The following SLC26A7 variants were observed in gnomAD, a reference collection of about 807,000 sequenced individuals.
SLC26A7 encodes the protein solute carrier family 26 member 7.
A neutral mutation model predicts 82.5 loss-of-function variants in SLC26A7; 59 were observed. The observed-to-expected ratio is 0.72, with a 90% confidence interval of 0.58 to 0.89. SLC26A7 has a LOEUF of 0.89. SLC26A7 is among the 40% of genes least tolerant of loss of function. The pLI is 0.00. For missense variants in SLC26A7, 820 were observed against 793.0 expected, an observed-to-expected ratio of 1.03 and a Z score of -0.41; for synonymous variants, 271 against 274.3, an observed-to-expected ratio of 0.99 and a Z score of 0.12.
chr8:91,351,035 T>C (rs1040170862), intron 9 of SLC26A7, among the ~76,000 whole-genome samples: 10 of 152,252 alleles, frequency 6.6e-5, no homozygotes, highest in African/African-American at 1.9e-4. Flanking sequence ...CTTTGATATC[T>C]CCATAATGAT....
intron 2 of SLC26A7, among the ~76,000 whole-genome samples, chr8:91,232,893 G>A (rs1810328324): frequency 6.6e-6 from 1 of 152,188 alleles, no homozygotes; most frequent in Non-Finnish European, 1.5e-5. Flanking sequence ...TGGGGCTCCT[G>A]TGATTCCAAG....
At chr8:91,382,899 A>G (rs574138569) in intron 15 of SLC26A7, among the ~76,000 whole-genome samples, 1 of 152,300 alleles carries the variant, frequency 6.6e-6, no homozygotes, top group African/African-American at 2.4e-5. Flanking sequence ...AATTACAAGA[A>G]CACTCTTCAT....
At chr8:91,321,207 T>G (rs1387898307) in intron 5 of SLC26A7, among the ~76,000 whole-genome samples, 2 of 151,996 alleles carry the variant, frequency 1.3e-5, no homozygotes, top group African/African-American at 4.8e-5. Context: ...TGCTCTGGGG[T>G]GGCAGGTGTT....
chr8:91,386,868 T>C lies in SLC26A7; in HGVS notation c.1676-2470T>C, dbSNP rs1053470530. Among the ~76,000 whole-genome samples, 3 of 152,158 alleles carry C rather than the reference T, an allele frequency of 2.0e-5. No individual in the cohort carries two copies. The South Asian group carries it at 6.2e-4, about 31-fold the overall frequency. ...CATTACTGACTTTAAAGAAACCATA[T>C]AAATTTTATTTTCTAAAAAAAGTTT... On this transcript the variant is annotated intron_variant, in intron 15 of 18. Coordinates refer to ENST00000276609, the MANE Select transcript of SLC26A7 (RefSeq NM_052832.4).
chr8:91,249,060 A>G (rs139315308), upstream of SLC26A7, among the ~76,000 whole-genome samples: 1 of 152,242 alleles, frequency 6.6e-6, no homozygotes, highest in Non-Finnish European at 1.5e-5. Context: ...CAGTCATCTG[A>G]TAATGTTGAA....
At chr8:91,258,667 G>A (rs937908869) in intron 2 of SLC26A7, among the ~76,000 whole-genome samples, 15 of 151,970 alleles carry the variant, frequency 9.9e-5, no homozygotes, top group Non-Finnish European at 2.1e-4. Context: ...GACCCTAAGA[G>A]TTTGATACTG....
chr8:91,345,282 A>G (rs1192243466), intron 9 of SLC26A7, among the ~76,000 whole-genome samples: 2 of 152,070 alleles, frequency 1.3e-5, no homozygotes, highest in African/African-American at 4.8e-5. Flanking sequence ...TTCTTACCAG[A>G]GTGAATGTAT....
intron 5 of SLC26A7, among the ~76,000 whole-genome samples, chr8:91,321,794 T>C (rs181901570): frequency 1.6e-4 from 24 of 152,208 alleles, no homozygotes; most frequent in Non-Finnish European, 2.9e-4. Flanking sequence ...GTGTTCTTTT[T>C]CAGGTATATA....
chr8:91,307,816 T>A (rs1032952441), intron 4 of SLC26A7, among the ~76,000 whole-genome samples: 6 of 150,786 alleles, frequency 4.0e-5, no homozygotes, highest in Non-Finnish European at 7.4e-5. Context: ...AATAAATAAA[T>A]AAAAAAAATA....
chr8:91,258,964 G>A (rs116402542), intron 2 of SLC26A7, among the ~76,000 whole-genome samples: 3,285 of 152,064 alleles, frequency 0.022, 107 homozygotes, highest in African/African-American at 0.074. Flanking sequence ...TTACCTGCTC[G>A]TTCGCTCTGT....
At chr8:91,320,170 C>T (rs1246046646) in intron 5 of SLC26A7, among the ~76,000 whole-genome samples, 3 of 152,102 alleles carry the variant, frequency 2.0e-5, no homozygotes, top group Non-Finnish European at 4.4e-5. Flanking sequence ...TCAAGCAATT[C>T]TCCTGCCTCA....
intron 15 of SLC26A7, among the ~76,000 whole-genome samples, chr8:91,386,798 T>C (rs938369785): frequency 2.0e-5 from 3 of 152,298 alleles, no homozygotes; most frequent in African/African-American, 7.2e-5. Context: ...ATGGAAGATA[T>C]ATACACAACT....
intron 2 of SLC26A7, among the ~76,000 whole-genome samples, chr8:91,268,900 C>G (rs1015369284): frequency 3.3e-5 from 5 of 150,828 alleles, no homozygotes; most frequent in Non-Finnish European, 1.5e-5. Context: ...ATAGTTATAA[C>G]AGGCTATTTT....
chr8:91,255,923 A>C lies in SLC26A7; in HGVS notation c.193+6079A>C, dbSNP rs868637959. Among the ~76,000 whole-genome samples the C allele has an allele frequency of 8.5e-5, 13 of 152,262 alleles. No homozygotes were observed. The South Asian group carries it at 2.3e-3, about 27-fold the overall frequency. Reference sequence around the variant, plus strand: ...AGTGTCAGGATGAGATACGTGGTCTATCTTCTGTTTTTACCTGCTATGAAC... The same window carrying C: ...AGTGTCAGGATGAGATACGTGGTCTCTCTTCTGTTTTTACCTGCTATGAAC... On this transcript the variant is annotated intron_variant, in intron 2 of 18. Coordinates refer to ENST00000276609, the MANE Select transcript of SLC26A7 (RefSeq NM_052832.4).
In SLC26A7 at chr8:91,332,579, G is replaced by A. The variant is rs893491587; in HGVS notation, c.643-1716G>A. On this transcript the variant is annotated intron_variant, in intron 5 of 18. Coordinates refer to ENST00000276609, the MANE Select transcript of SLC26A7 (RefSeq NM_052832.4). ...ATCTCTTTCTGTTGCCCAGGCTGGAGTGTAGTGGTGCAATCATAGCTCACT... is the reference window on the plus strand; with the variant it reads ...ATCTCTTTCTGTTGCCCAGGCTGGAATGTAGTGGTGCAATCATAGCTCACT... Among the ~76,000 whole-genome samples the A allele has an allele frequency of 2.7e-5, 4 of 150,278 alleles. No individual in the cohort carries two copies. The East Asian group carries it at 7.8e-4, about 29-fold the overall frequency.
intron 2 of SLC26A7, among the ~76,000 whole-genome samples, chr8:91,227,059 A>C (rs941579188): frequency 6.6e-6 from 1 of 152,206 alleles, no homozygotes; most frequent in Non-Finnish European, 1.5e-5. Flanking sequence ...ATTAAATTAG[A>C]AACTTAATCA....
intron 2 of SLC26A7, among the ~76,000 whole-genome samples, chr8:91,225,055 C>G (rs1229973635): frequency 6.6e-6 from 1 of 152,190 alleles, no homozygotes; most frequent in Non-Finnish European, 1.5e-5. Context: ...AAAAGCGCAG[C>G]CTGGAGCTAT....
At chr8:91,286,599 G>A (rs1424646071) in intron 2 of SLC26A7, among the ~76,000 whole-genome samples, 4 of 152,106 alleles carry the variant, frequency 2.6e-5, no homozygotes, top group African/African-American at 9.7e-5. Context: ...ATAAGTATCT[G>A]TCGGCATTTG....
intron 4 of SLC26A7, among the ~76,000 whole-genome samples, chr8:91,305,426 C>T (rs1812278078): frequency 6.6e-6 from 1 of 152,090 alleles, no homozygotes; most frequent in Non-Finnish European, 1.5e-5. Context: ...ATGAATACTC[C>T]CACATCTGAT....
Sources: allele counts gnomAD v4.1 joint callset (sites outside exome capture counted in the v4.1 genomes callset), GRCh38; gene constraint gnomAD v4.1.1; transcripts MANE v1.5; gene names NCBI Gene and HGNC (gene_info 2026-07-23, HGNC 2026-07-21).